RFX7: variants seen among roughly 807,000 people sequenced by gnomAD.
RFX7 encodes the protein DNA-binding protein RFX7.
RFX7 carries 26 observed loss-of-function variants against 111.8 expected under a neutral mutation model. The observed-to-expected ratio is 0.23, with a 90% CI of 0.17 to 0.32. The LOEUF (loss-of-function observed/expected upper bound fraction) is 0.32, where lower values mean the gene tolerates loss of function less well. Among genes scored for constraint, RFX7 ranks in the 10% least tolerant of loss-of-function variants. The probability of loss-of-function intolerance (pLI) is 1.00; values close to 1 mark genes in which losing one functional copy is unlikely to be tolerated. For missense variants in RFX7, 1,573 were observed against 1,772.9 expected (o/e 0.89, Z 2.02); for synonymous variants, 624 against 624.4 (o/e 1.00, Z 0.01).
chr15:56,214,676 C>T (rs546596626), intron 2 of RFX7, among the ~76,000 whole-genome samples: 38 of 147,460 alleles, frequency 2.6e-4, no homozygotes, highest in Non-Finnish European at 2.8e-4. Flanking sequence ...GATCGCACCA[C>T]TGCACTCCGG....
chr15:56,087,332 G>C lies in RFX7; in HGVS notation c.*6013C>G. On this transcript the variant is annotated 3_prime_UTR_variant, in exon 10 of 10. Transcript: ENST00000559447. ...TTCTCTCATGTAAAACACATCCAGA[G>C]GTAAGCAGTCAGGACTAGTTGGGCA... 2 of 435,088 alleles carry C rather than the reference G, an allele frequency of 4.6e-6. No individual in the cohort carries two copies. The highest frequency in any genetic ancestry group is 9.3e-6 in the Non-Finnish European group (2 of 215,440). The allele number at this position is 435,088 out of a possible 1,614,324, so 27.0% of individuals were successfully genotyped here. A position where few individuals can be genotyped will look rare whatever the true frequency, so the allele number is the denominator to read the frequency against.
Position 56,112,353 on chromosome 15 carries a change from A to G in RFX7, c.402-8683T>C, listed in dbSNP as rs532787025. On this transcript the variant is annotated intron_variant, in intron 5 of 9. Coordinates refer to ENST00000559447, the MANE Select transcript of RFX7 (RefSeq NM_022841.7). ...ATCCTGACCAGAATTTATTTGGAAC[A>G]GAATAAAAAATATCAGAGTACAAAT... Among the ~76,000 whole-genome samples, 6 of 149,612 alleles carry G rather than the reference A, an allele frequency of 4.0e-5. No homozygotes were observed. The South Asian group carries it at 1.3e-3, about 32-fold the overall frequency.
At chr15:56,241,102 CA>C (rs2043684410) in intron 2 of RFX7, among the ~76,000 whole-genome samples, 1 of 151,882 alleles carries the variant, frequency 6.6e-6, no homozygotes, top group African/African-American at 2.4e-5. Flanking sequence ...CATTAGATGC[CA>C]ATAAGTGTAT....
At chr15:56,138,813 G>A (rs549765818) in intron 5 of RFX7, among the ~76,000 whole-genome samples, 72 of 151,980 alleles carry the variant, frequency 4.7e-4, no homozygotes, top group African/African-American at 1.7e-3. Context: ...CAGGCCTGGT[G>A]GTGACAAAAT....
intron 2 of RFX7, among the ~76,000 whole-genome samples, chr15:56,237,384 A>G (rs1288029227): frequency 3.3e-5 from 5 of 152,230 alleles, no homozygotes; most frequent in Non-Finnish European, 5.9e-5. Flanking sequence ...TGTATATAGC[A>G]GATACTCATT....
intron 5 of RFX7, among the ~76,000 whole-genome samples, chr15:56,132,328 A>C (rs1408699032): frequency 6.6e-6 from 1 of 152,080 alleles, no homozygotes; most frequent in East Asian, 1.9e-4. Context: ...CTATTTAAAC[A>C]TTTAATAGCT....
intron 2 of RFX7, among the ~76,000 whole-genome samples, chr15:56,217,203 CTAAGAA>C (rs1167936574): frequency 7.2e-5 from 11 of 152,236 alleles, no homozygotes; most frequent in East Asian, 3.9e-4. Flanking sequence ...CTGACATCTC[CTAAGAA>C]TAAGAAGACA....
chr15:56,120,356 C>A (rs2042061085), intron 5 of RFX7, among the ~76,000 whole-genome samples: 2 of 152,294 alleles, frequency 1.3e-5, no homozygotes, highest in South Asian at 4.1e-4. Context: ...TTGTATCCTG[C>A]AACTTTACTG....
Position 56,089,185 on chromosome 15 carries a change from A to T in RFX7, c.*4160T>A, listed in dbSNP as rs1167514118. ...CTTTGTTTAATACAATGAGACTAAC[A>T]GTGTGTGTGTATGGAGTGCTTAATG... On this transcript the variant is annotated 3_prime_UTR_variant, in exon 10 of 10. Transcript: ENST00000559447. 2.0e-5 allele frequency: 3 copies of T among 152,242 alleles called. No homozygotes were observed. The highest frequency in any genetic ancestry group is 4.4e-5 in the Non-Finnish European group (3 of 68,026). The allele number at this position is 152,242 out of a possible 1,614,324, so 9.4% of individuals were successfully genotyped here. A position where few individuals can be genotyped will look rare whatever the true frequency, so the allele number is the denominator to read the frequency against.
intron 5 of RFX7, among the ~76,000 whole-genome samples, chr15:56,137,266 G>A (rs1293241462): frequency 2.6e-5 from 4 of 152,078 alleles, no homozygotes; most frequent in African/African-American, 9.7e-5. Flanking sequence ...TGGTTGGTAA[G>A]CTATTGATTA....
chr15:56,158,546 G>A (rs1163889592), intron 3 of RFX7, among the ~76,000 whole-genome samples: 1 of 152,054 alleles, frequency 6.6e-6, no homozygotes, highest in East Asian at 1.9e-4. Flanking sequence ...CACCCAGGCT[G>A]GAGGGCAGTG....
At chr15:56,155,616 G>A (rs1162255395) in intron 3 of RFX7, among the ~76,000 whole-genome samples, 20 of 152,150 alleles carry the variant, frequency 1.3e-4, no homozygotes, top group Admixed American at 1.2e-3. Flanking sequence ...GCCCGTCGGC[G>A]GGTGTGGGGC....
At position 56,154,041 on chromosome 15, in the gene RFX7, C is replaced by T. The variant is rs1393354023; in HGVS notation, c.196-9558G>A. Among the ~76,000 whole-genome samples, 3 of 152,056 alleles carry T rather than the reference C, an allele frequency of 2.0e-5. 1 individual carries two copies. The highest frequency in any genetic ancestry group is 1.3e-4 in the Admixed American group (2 of 15,270). On this transcript the variant is annotated intron_variant, in intron 3 of 9. Coordinates refer to ENST00000559447, the MANE Select transcript of RFX7 (RefSeq NM_022841.7). ...AGTGAACTCCCATTCATAATCACTA[C>T]TAAGAGAATAAAATACCTAGGAATA...
chr15:56,188,169 C>T (rs1567041120), intron 2 of RFX7, among the ~76,000 whole-genome samples: 1 of 151,988 alleles, frequency 6.6e-6, no homozygotes. Context: ...GTTATAATGT[C>T]TGAAATGAAA....
intron 2 of RFX7, among the ~76,000 whole-genome samples, chr15:56,197,306 C>T (rs1443498601): frequency 6.6e-6 from 1 of 152,020 alleles, no homozygotes; most frequent in African/African-American, 2.4e-5. Context: ...TCGCCATCAG[C>T]GGCATGTTGC....
chr15:56,145,915 T>C (rs16976778), intron 3 of RFX7, among the ~76,000 whole-genome samples: 278 of 152,362 alleles, frequency 1.8e-3, no homozygotes, highest in African/African-American at 6.5e-3. Flanking sequence ...ACCTATACTA[T>C]GTATCACAAA....
chr15:56,141,591 T>C (rs2042394083), intron 5 of RFX7, among the ~76,000 whole-genome samples: 1 of 147,106 alleles, frequency 6.8e-6, no homozygotes, highest in Admixed American at 6.9e-5. Context: ...AATTTGCTTC[T>C]TTGAAGTTTC....
At chr15:56,171,767 A>G (rs2042847373) in intron 3 of RFX7, among the ~76,000 whole-genome samples, 1 of 152,156 alleles carries the variant, frequency 6.6e-6, no homozygotes, top group African/African-American at 2.4e-5. Context: ...TGGGGGTATG[A>G]TACAAGTTTG....
intron 5 of RFX7, among the ~76,000 whole-genome samples, chr15:56,109,283 A>G (rs1343019946): frequency 6.6e-6 from 1 of 152,232 alleles, no homozygotes; most frequent in Non-Finnish European, 1.5e-5. Context: ...CCTAACCGCG[A>G]GTGATCCGCC....
Sources: gnomAD v4.1 joint callset for allele counts (sites outside exome capture counted in the v4.1 genomes callset) on GRCh38, gnomAD v4.1.1 for gene constraint, MANE v1.5 for transcripts, NCBI Gene and HGNC (gene_info 2026-07-23, HGNC 2026-07-21) for gene names.